NRG1: variants seen among roughly 807,000 people sequenced by gnomAD.
NRG1 encodes the protein pro-neuregulin-1, membrane-bound isoform.
Under a neutral mutation model 63.8 loss-of-function variants are expected in NRG1, and 18 were observed. That is an observed-to-expected ratio of 0.28 (90% CI 0.19 to 0.42). The LOEUF (loss-of-function observed/expected upper bound fraction) is 0.42, where lower values mean the gene tolerates loss of function less well. Ranked by LOEUF, NRG1 falls within the 10% of genes least tolerant of loss-of-function variation. The pLI is 1.00. For synonymous variants in NRG1, 302 were observed against 301.3 expected (o/e 1.00, Z -0.02); for missense variants, 762 against 814.7 (o/e 0.94, Z 0.79).
At chr8:31,684,962 T>G (rs1808733511) in intron 1 of NRG1, among the ~76,000 whole-genome samples, 1 of 152,182 alleles carries the variant, frequency 6.6e-6, no homozygotes, top group Admixed American at 6.5e-5. Flanking sequence ...ACAAGGTGCA[T>G]GGAGTAATTT....
intron 1 of NRG1, among the ~76,000 whole-genome samples, chr8:31,880,547 C>T (rs1340814516): frequency 6.6e-6 from 1 of 152,126 alleles, no homozygotes; most frequent in East Asian, 1.9e-4. Context: ...ATATTAAGCA[C>T]CCAGTGCATA....
intron 1 of NRG1, among the ~76,000 whole-genome samples, chr8:31,778,273 C>G (rs1819345271): frequency 6.6e-6 from 1 of 152,210 alleles, no homozygotes; most frequent in Non-Finnish European, 1.5e-5. Flanking sequence ...CTGTCGTACT[C>G]TCTGCAATGC....
At chr8:32,484,829 G>C (rs1825721415) in intron 1 of NRG1, among the ~76,000 whole-genome samples, 1 of 152,130 alleles carries the variant, frequency 6.6e-6, no homozygotes, top group Admixed American at 6.6e-5. Context: ...GAATAATGAT[G>C]CTTAAAATTT....
chr8:31,743,558 A>G (rs928122560), intron 1 of NRG1, among the ~76,000 whole-genome samples: 2 of 150,446 alleles, frequency 1.3e-5, no homozygotes, highest in African/African-American at 2.5e-5. Flanking sequence ...ATATTGTTTA[A>G]TATGTGTGTG....
intron 1 of NRG1, among the ~76,000 whole-genome samples, chr8:32,076,990 G>C (rs998113429): frequency 2.6e-5 from 4 of 152,116 alleles, no homozygotes; most frequent in African/African-American, 9.7e-5. Flanking sequence ...CTACAACCCA[G>C]GCTTCTGACT....
At chr8:32,073,050 AG>A (rs1227635951) in intron 1 of NRG1, among the ~76,000 whole-genome samples, 1 of 152,054 alleles carries the variant, frequency 6.6e-6, no homozygotes, top group Non-Finnish European at 1.5e-5. Context: ...GGTTATTTTT[AG>A]GAAGTTGGAT....
chr8:32,366,129 A>C (rs974399065), intron 1 of NRG1, among the ~76,000 whole-genome samples: 1 of 152,208 alleles, frequency 6.6e-6, no homozygotes, highest in African/African-American at 2.4e-5. Context: ...TCATGGACAT[A>C]TGAGTTTGGG....
chr8:32,394,832 G>A (rs763598707), intron 1 of NRG1, among the ~76,000 whole-genome samples: 13 of 152,100 alleles, frequency 8.5e-5, no homozygotes, highest in East Asian at 7.7e-4. Context: ...TCATTTTTAC[G>A]GGGTGACAAA....
intron 1 of NRG1, among the ~76,000 whole-genome samples, chr8:31,776,807 C>A (rs1019436567): frequency 6.6e-6 from 1 of 151,896 alleles, no homozygotes; most frequent in Non-Finnish European, 1.5e-5. Context: ...TTTGTCCTTG[C>A]GATAGTTTGC....
chr8:32,552,670 T>C (rs1834377635), intron 1 of NRG1, among the ~76,000 whole-genome samples: 1 of 152,200 alleles, frequency 6.6e-6, no homozygotes, highest in South Asian at 2.1e-4. Flanking sequence ...ACCTAGCCTA[T>C]GTAATTATTA....
At chr8:32,561,115 A>G (rs1836313538) in intron 1 of NRG1, among the ~76,000 whole-genome samples, 1 of 152,204 alleles carries the variant, frequency 6.6e-6, no homozygotes, top group Non-Finnish European at 1.5e-5. Flanking sequence ...AAGGGCATCA[A>G]TCCTAGCACT....
intron 1 of NRG1, among the ~76,000 whole-genome samples, chr8:32,282,208 A>G (rs1852942608): frequency 6.6e-6 from 1 of 152,158 alleles, no homozygotes; most frequent in African/African-American, 2.4e-5. Flanking sequence ...TTGGTGGACA[A>G]AGTATCACCC....
chr8:32,559,894 C>T (rs1836042939), intron 1 of NRG1, among the ~76,000 whole-genome samples: 1 of 151,120 alleles, frequency 6.6e-6, no homozygotes, highest in Non-Finnish European at 1.5e-5. Context: ...TGGTGGGATG[C>T]ACCTGTAGTC....
At chr8:32,523,567 A>G (rs1337263321) in intron 1 of NRG1, among the ~76,000 whole-genome samples, 1 of 152,198 alleles carries the variant, frequency 6.6e-6, no homozygotes, top group Non-Finnish European at 1.5e-5. Context: ...AGTAATTTTA[A>G]TAGTGAAAAG....
At chr8:31,922,175 A>C (rs1274242581) in intron 1 of NRG1, among the ~76,000 whole-genome samples, 2 of 152,178 alleles carry the variant, frequency 1.3e-5, no homozygotes, top group African/African-American at 2.4e-5. Flanking sequence ...TTGCCTCCAA[A>C]ATGTTAACTT....
chr8:32,217,055 A>G (rs1034861870), intron 1 of NRG1, among the ~76,000 whole-genome samples: 2 of 152,020 alleles, frequency 1.3e-5, no homozygotes, highest in African/African-American at 4.8e-5. Flanking sequence ...TCTACTAAAA[A>G]TATAAAAATT....
intron 1 of NRG1, among the ~76,000 whole-genome samples, chr8:32,491,008 C>T (rs80326323): frequency 0.013 from 1,945 of 152,224 alleles, 45 homozygotes; most frequent in African/African-American, 0.044. Flanking sequence ...TAAGGGGTAA[C>T]GTTTACAAAT....
chr8:32,050,248 A>G (rs944972155), intron 1 of NRG1, among the ~76,000 whole-genome samples: 1 of 152,150 alleles, frequency 6.6e-6, no homozygotes, highest in Non-Finnish European at 1.5e-5. Context: ...CAAACAAAAT[A>G]TATTTTCTCT....
chr8:32,104,829 G>A (rs1014270616), intron 1 of NRG1, among the ~76,000 whole-genome samples: 3 of 151,890 alleles, frequency 2.0e-5, no homozygotes, highest in Admixed American at 1.3e-4. Context: ...TAACAAGCAC[G>A]AAGCTGTCAT....
Sources: allele counts gnomAD v4.1 joint callset (sites outside exome capture counted in the v4.1 genomes callset), GRCh38; gene constraint gnomAD v4.1.1; transcripts MANE v1.5; gene names NCBI Gene and HGNC (gene_info 2026-07-23, HGNC 2026-07-21).